The following ZNF385C variants were observed in gnomAD, a reference collection of about 807,000 sequenced individuals.
ZNF385C encodes the protein zinc finger protein 385C.
A neutral mutation model predicts 35.4 loss-of-function variants in ZNF385C; 28 were observed. That is an observed-to-expected ratio of 0.79 (90% CI 0.59 to 1.08). ZNF385C has a LOEUF of 1.08. ZNF385C is among the 50% of genes least tolerant of loss of function. The pLI, the probability that ZNF385C is intolerant of heterozygous loss-of-function variation, is 0.00. For missense variants in ZNF385C, 605 were observed against 595.6 expected, an observed-to-expected ratio of 1.02 and a Z score of -0.16; for synonymous variants, 248 against 248.2, an observed-to-expected ratio of 1.00 and a Z score of 0.01.
In ZNF385C at chr17:42,066,310, G is replaced by A. The variant is rs535547080; in HGVS notation, c.-2-3252C>T. ...CTTGACTTCGTGATCCGCCCACCTC[G>A]GCCTCCCAAAGTGCTGGGATTACAA... On this transcript the variant is annotated intron_variant, in intron 1 of 8. Transcript: ENST00000692273. Among the ~76,000 whole-genome samples the A allele has an allele frequency of 5.9e-5, 9 of 152,194 alleles. 1 individual carries two copies. Among genetic ancestry groups the A allele is most frequent in the Admixed American group, 2.6e-4 (4 of 15,288 alleles).
At chr17:42,072,036 A>T (rs1282271831) in intron 1 of ZNF385C, among the ~76,000 whole-genome samples, 1 of 152,184 alleles carries the variant, frequency 6.6e-6, no homozygotes, top group Non-Finnish European at 1.5e-5. Flanking sequence ...AAGGGGCGGG[A>T]CAGGAAGTCC....
chr17:42,051,094 A>T (rs1257862502), intron 2 of ZNF385C, among the ~76,000 whole-genome samples: 1 of 151,946 alleles, frequency 6.6e-6, no homozygotes, highest in East Asian at 1.9e-4. Context: ...TGGCAGAGCA[A>T]GGATTCCTCT....
intron 2 of ZNF385C, chr17:42,062,331 T>A (rs2053474720): frequency 6.5e-6 from 1 of 154,334 alleles, no homozygotes; most frequent in African/African-American, 2.4e-5. Context: ...GCAGAAATCC[T>A]GGCCAGGAGT....
chr17:42,084,966 GT>G (rs1555660017), intron 1 of ZNF385C, among the ~76,000 whole-genome samples: 1 of 151,578 alleles, frequency 6.6e-6, no homozygotes, highest in Non-Finnish European at 1.5e-5. Flanking sequence ...ATACAGATAT[GT>G]TATTTATATA....
intron 2 of ZNF385C, chr17:42,038,150 C>G: frequency 2.2e-6 from 3 of 1,388,274 alleles, no homozygotes; most frequent in Non-Finnish European, 2.9e-6. Flanking sequence ...AGGCAGCATA[C>G]TGAACCCCAG....
Position 42,094,553 on chromosome 17 carries a change from C to T in ZNF385C, c.-3+3857G>A, listed in dbSNP as rs567766225. Among the ~76,000 whole-genome samples the T allele has an allele frequency of 1.4e-4, 22 of 152,088 alleles. No individual in the cohort carries two copies. In the South Asian group the frequency reaches 3.1e-3, roughly 22 times the overall value. ...AAGACTCACAGAAAAAAGAGCTAGA[C>T]GGGTGGAGAGGAGAGACAGAGATAA... On this transcript the variant is annotated intron_variant, in intron 1 of 8. Coordinates refer to ENST00000692273, the MANE Select transcript of ZNF385C (RefSeq NM_001392013.1).
chr17:42,062,818 G>A lies in ZNF385C; in HGVS notation c.239C>T (p.Pro80Leu). ...CCCTCTACACTGACCTGGCCCTGAG[G>A]GGCTCTTCCCCAAGCTGAGCTGCCG... ...RLRQLSLGKS[P>L]SGPAGPASGA... Residue 80 changes from proline to leucine, a missense_variant, in exon 2 of 9, where the codon CCC becomes CTC. Physicochemically the swap from Pro to Leu is moderately conservative, Grantham distance 98. Coordinates refer to ENST00000692273, the MANE Select transcript of ZNF385C (RefSeq NM_001392013.1). 1 of 604,702 alleles carries A rather than the reference G, an allele frequency of 1.7e-6. No homozygotes were observed. Among genetic ancestry groups the A allele is most frequent in the Non-Finnish European group, 2.9e-6 (1 of 339,040 alleles). The allele number at this position is 604,702 out of a possible 1,614,324, so 37.5% of individuals were successfully genotyped here.
intron 1 of ZNF385C, among the ~76,000 whole-genome samples, chr17:42,076,553 C>G (rs1365322268): frequency 6.6e-6 from 1 of 151,968 alleles, no homozygotes; most frequent in East Asian, 1.9e-4. Context: ...ACCCGGGGGG[C>G]GGAGCTGGCA....
At chr17:42,030,298 G>A (rs1163056089) in intron 5 of ZNF385C, among the ~76,000 whole-genome samples, 4 of 152,120 alleles carry the variant, frequency 2.6e-5, no homozygotes, top group Non-Finnish European at 5.9e-5. Context: ...GACCAGCCTG[G>A]CCAATATGGT....
At chr17:42,086,794 TTA>T (rs1306691606) in intron 1 of ZNF385C, among the ~76,000 whole-genome samples, 1 of 151,748 alleles carries the variant, frequency 6.6e-6, no homozygotes, top group African/African-American at 2.4e-5. Flanking sequence ...GTTTTATTAG[TTA>T]TGTTTTTTCC....
At chr17:42,068,840 C>T (rs1174019399) in intron 1 of ZNF385C, among the ~76,000 whole-genome samples, 2 of 152,212 alleles carry the variant, frequency 1.3e-5, no homozygotes, top group Non-Finnish European at 2.9e-5. Flanking sequence ...CCTGCCAAAT[C>T]CTGACCTGAA....
intron 1 of ZNF385C, among the ~76,000 whole-genome samples, chr17:42,063,295 G>A (rs1966328): frequency 0.21 from 31,586 of 152,120 alleles, 3,801 homozygotes; most frequent in East Asian, 0.33. Flanking sequence ...TTGGGAGGCC[G>A]AGGCGGGCAG....
chr17:42,056,903 A>G (rs1304686162), intron 2 of ZNF385C, among the ~76,000 whole-genome samples: 1 of 152,132 alleles, frequency 6.6e-6, no homozygotes, highest in Non-Finnish European at 1.5e-5. Context: ...TAAACTGCCC[A>G]GTCTCTGGTA....
In ZNF385C at chr17:42,026,778, C is replaced by T. The variant is rs1377197888; in HGVS notation, c.*119G>A. ...AAAACTAGCCCAGCTCTTTCTGGAT[C>T]GGGCAGGACCCCTGAAGCTGTTCAC... On this transcript the variant is annotated 3_prime_UTR_variant, in exon 9 of 9. Transcript: ENST00000692273. 1.2e-5 allele frequency: 12 copies of T among 989,974 alleles called. No individual in the cohort carries two copies. Among genetic ancestry groups the T allele is most frequent in the African/African-American group, 4.8e-5 (3 of 62,096 alleles). The allele number at this position is 989,974 out of a possible 1,614,324, so 61.3% of individuals were successfully genotyped here.
At chr17:42,043,481 G>A in intron 2 of ZNF385C, 1 of 1,048,922 alleles carries the variant, frequency 9.5e-7, no homozygotes. Flanking sequence ...TTGATGGGGA[G>A]GCAGGCTGGG....
intron 1 of ZNF385C, among the ~76,000 whole-genome samples, chr17:42,093,103 C>A (rs1446846494): frequency 6.6e-6 from 1 of 152,182 alleles, no homozygotes; most frequent in Non-Finnish European, 1.5e-5. Flanking sequence ...GCCGTGGGAG[C>A]GATGGGGAGG....
chr17:42,037,933 C>T (rs538073567), intron 2 of ZNF385C, 48 bp from the exon 3 acceptor site: 18 of 1,546,980 alleles, frequency 1.2e-5, no homozygotes, highest in African/African-American at 2.7e-5. Context: ...TGTCCTACCC[C>T]CGTGGCCAGA....
In ZNF385C at chr17:42,095,051, G is replaced by A. The variant is rs377528195; in HGVS notation, c.-3+3359C>T. On this transcript the variant is annotated intron_variant, in intron 1 of 8. Transcript: ENST00000692273. This position sits in a 1 kb window ranked among gnomAD's most constrained non-coding sequence, Gnocchi z 4.4. The stretch of plus-strand genomic sequence containing the variant: ...ACACAGACCTCTGGGGGTTAGTGCA[G>A]GCGGGCATGCGTACCTGAGTGAGTT... Among the ~76,000 whole-genome samples the A allele has an allele frequency of 1.2e-4, 18 of 152,316 alleles. No homozygotes were observed. The South Asian group carries it at 3.5e-3, about 30-fold the overall frequency.
In ZNF385C at chr17:42,027,854, C is replaced by T. The variant is rs2052628940; in HGVS notation, c.1165-126G>A. 1.3e-5 allele frequency: 16 copies of T among 1,244,798 alleles called. No individual in the cohort carries two copies. In the South Asian group the frequency reaches 2.1e-4, roughly 16 times the overall value. The allele number at this position is 1,244,798 out of a possible 1,614,324, so 77.1% of individuals were successfully genotyped here. A position where few individuals can be genotyped will look rare whatever the true frequency, so the allele number is the denominator to read the frequency against. On this transcript the variant is annotated intron_variant, in intron 7 of 8. Coordinates refer to ENST00000692273, the MANE Select transcript of ZNF385C (RefSeq NM_001392013.1). Reference sequence around the variant, plus strand: ...ATCCAAAGCACACAGACTGGGTCCTCACCCTGGGGTAGGCCCTGGGAAGGG... The same window carrying T: ...ATCCAAAGCACACAGACTGGGTCCTTACCCTGGGGTAGGCCCTGGGAAGGG...
Sources: gnomAD v4.1 joint callset for allele counts (sites outside exome capture counted in the v4.1 genomes callset) on GRCh38, gnomAD v4.1.1 for gene constraint, Gnocchi (gnomAD v3.1) non-coding constraint, MANE v1.5 for transcripts, NCBI Gene and HGNC (gene_info 2026-07-23, HGNC 2026-07-21) for gene names.